Variants in JAM3 observed in about 807,000 individuals in gnomAD.
JAM3 encodes the protein junctional adhesion molecule C.
In JAM3, 31 loss-of-function variants were observed where a neutral mutation model predicts 39.4. The observed-to-expected ratio is 0.79, with a 90% CI of 0.59 to 1.06. The LOEUF (loss-of-function observed/expected upper bound fraction) is 1.06. JAM3 is among the 50% of genes least tolerant of loss of function. The pLI is 0.00. For missense variants in JAM3, 455 were observed against 391.4 expected, an observed-to-expected ratio of 1.16 and a Z score of -1.37; for synonymous variants, 182 against 148.7, an observed-to-expected ratio of 1.22 and a Z score of -1.63.
chr11:134,107,420 A>ATG (rs1323489468), intron 1 of JAM3, among the ~76,000 whole-genome samples: 1 of 152,192 alleles, frequency 6.6e-6, no homozygotes, highest in East Asian at 1.9e-4. Context: ...AACATGGCAC[A>ATG]TGTATACATG....
Position 134,149,543 on chromosome 11 carries a change from G to C in JAM3, c.*362G>C. 4.0e-6 allele frequency: 2 copies of C among 496,352 alleles called. No homozygotes were observed. The highest frequency in any genetic ancestry group is 3.9e-6 in the Non-Finnish European group (1 of 254,560). 30.7% of individuals were successfully genotyped at this position (496,352 alleles called of 1,614,324 possible). A position where few individuals can be genotyped will look rare whatever the true frequency, so the allele number is the denominator to read the frequency against. ...TGTGAAGCCAGCATGTTCACCACTG[G>C]TCGTTCAGCAGCCACGACAGCACCA... On this transcript the variant is annotated 3_prime_UTR_variant, in exon 9 of 9. Coordinates refer to ENST00000299106, the MANE Select transcript of JAM3 (RefSeq NM_032801.5).
chr11:134,078,977 TGTG>T (rs1457873357), intron 1 of JAM3, among the ~76,000 whole-genome samples: 1 of 152,094 alleles, frequency 6.6e-6, no homozygotes, highest in East Asian at 1.9e-4. Flanking sequence ...AGGTGGAGGT[TGTG>T]GTGAGCCAAG....
intron 1 of JAM3, among the ~76,000 whole-genome samples, chr11:134,104,978 AAG>A (rs998519678): frequency 6.6e-6 from 1 of 152,206 alleles, no homozygotes; most frequent in Non-Finnish European, 1.5e-5. Context: ...TCAATAGAAA[AAG>A]AGGGAATCCT....
chr11:134,136,645 G>C (rs1023185074), intron 1 of JAM3, among the ~76,000 whole-genome samples: 10 of 152,196 alleles, frequency 6.6e-5, no homozygotes, highest in African/African-American at 2.4e-4. Flanking sequence ...TACATGACTT[G>C]TAGTGGCCCT....
In JAM3 at chr11:134,151,155, G is replaced by C. The variant is rs984124050; in HGVS notation, c.*1974G>C. On this transcript the variant is annotated 3_prime_UTR_variant, in exon 9 of 9. Coordinates refer to ENST00000299106, the MANE Select transcript of JAM3 (RefSeq NM_032801.5). ...CTCTCACTACTCACCTTGTCTTTCA[G>C]CTTCCAGTGTCTTGGGTTTTTTATA... 1 of 152,268 alleles carries C rather than the reference G, an allele frequency of 6.6e-6. No individual in the cohort carries two copies. Among genetic ancestry groups the C allele is most frequent in the Non-Finnish European group, 1.5e-5 (1 of 68,074 alleles). The allele number at this position is 152,268 out of a possible 1,614,324, so 9.4% of individuals were successfully genotyped here. A position where few individuals can be genotyped will look rare whatever the true frequency, so the allele number is the denominator to read the frequency against.
chr11:134,140,585 A>G (rs1942955950), intron 2 of JAM3, 72 bp from the exon 3 acceptor site: 2 of 1,221,680 alleles, frequency 1.6e-6, no homozygotes, highest in Non-Finnish European at 2.4e-6. Flanking sequence ...TAGAGCTTGC[A>G]GGGTCTGGGT....
chr11:134,144,326 C>T lies in JAM3; in HGVS notation c.342C>T (p.Arg114=). 1.9e-6 allele frequency: 3 copies of T among 1,614,190 alleles called. No homozygotes were observed. Among genetic ancestry groups the T allele is most frequent in the Non-Finnish European group, 2.5e-6 (3 of 1,180,026 alleles). ...NVTRRDSALY[R]CEVVARNDRK... ...CACGGAGAGACTCAGCCCTTTATCG[C>T]TGTGAGGTCGTTGCTCGAAATGACC... The change falls in exon 4 of 9, where the codon CGC becomes CGT. Residue 114 remains arginine (R), a synonymous_variant. Coordinates refer to ENST00000299106, the MANE Select transcript of JAM3 (RefSeq NM_032801.5).
chr11:134,129,434 A>G (rs539000838), intron 1 of JAM3, among the ~76,000 whole-genome samples: 76 of 152,120 alleles, frequency 5.0e-4, no homozygotes, highest in African/African-American at 1.7e-3. Context: ...AGTTCTTATA[A>G]GGACACTAGT....
Position 134,149,172 on chromosome 11 carries a change from T to C in JAM3, c.924T>C (p.Phe308=), listed in dbSNP as rs1464456260. The C allele has an allele frequency of 6.2e-7, 1 of 1,613,930 alleles. No individual in the cohort carries two copies. The highest frequency in any genetic ancestry group is 1.3e-5 in the African/African-American group (1 of 74,940). ...EEGDFRHKSS[F]VI Reference sequence around the variant, plus strand: ...GCGACTTCAGACACAAGTCATCGTTTGTGATCTGAGACCCGCGGTGTGGCT... The same window carrying C: ...GCGACTTCAGACACAAGTCATCGTTCGTGATCTGAGACCCGCGGTGTGGCT... Residue 308 remains phenylalanine (F), a synonymous_variant, in exon 9 of 9, where the codon TTT becomes TTC. Transcript: ENST00000299106.
At chr11:134,077,369 T>C (rs1000252854) in intron 1 of JAM3, among the ~76,000 whole-genome samples, 2 of 151,850 alleles carry the variant, frequency 1.3e-5, no homozygotes, top group Non-Finnish European at 2.9e-5. Context: ...ATGCCTTTTT[T>C]TTTTTTTTCT....
At chr11:134,124,228 G>C in intron 1 of JAM3, 1 of 1,328,670 alleles carries the variant, frequency 7.5e-7, no homozygotes, top group Non-Finnish European at 1.1e-6. Flanking sequence ...TACTTCTTAA[G>C]TTCCTCTGGG....
At chr11:134,076,082 TG>T (rs1941564057) in intron 1 of JAM3, among the ~76,000 whole-genome samples, 1 of 151,844 alleles carries the variant, frequency 6.6e-6, no homozygotes, top group Non-Finnish European at 1.5e-5. Flanking sequence ...AAAATTTTCT[TG>T]GTTCTTTTTA....
intron 1 of JAM3, among the ~76,000 whole-genome samples, chr11:134,115,198 C>G (rs1381101812): frequency 6.6e-6 from 1 of 152,102 alleles, no homozygotes; most frequent in Non-Finnish European, 1.5e-5. Context: ...TATAGCCACT[C>G]CACTTTTCTT....
Position 134,139,923 on chromosome 11 carries a change from A to G in JAM3, c.142+7A>G, listed in dbSNP as rs759420173. ...GTGGTACAGGAATTTGAAAGTAAGT[A>G]CAAACGAAATGCCTAGGATAATGGG... is the stretch of plus-strand genomic sequence containing the variant. On this transcript the variant is annotated splice_region_variant and intron_variant, in intron 2 of 8. Transcript: ENST00000299106. 4 of 1,608,700 alleles carry G rather than the reference A, an allele frequency of 2.5e-6. No homozygotes were observed. The highest frequency in any genetic ancestry group is 2.2e-5 in the East Asian group (1 of 44,848).
At chr11:134,147,045 C>G (rs948419338) in intron 6 of JAM3, among the ~76,000 whole-genome samples, 1 of 152,174 alleles carries the variant, frequency 6.6e-6, no homozygotes, top group East Asian at 1.9e-4. Context: ...GGATTCTTCT[C>G]ATGTGTCACG....
At chr11:134,088,701 A>G (rs1412530906) in intron 1 of JAM3, among the ~76,000 whole-genome samples, 1 of 152,060 alleles carries the variant, frequency 6.6e-6, no homozygotes, top group Admixed American at 6.6e-5. Flanking sequence ...TGAATATGTC[A>G]TTGCCACAAA....
rs1565505381 is a variant in JAM3 at position 134,144,271 on chromosome 11, G to A, written c.287G>A (p.Gly96Glu). The part of the protein sequence containing the change: ...GDLAGRAEIL[G>E]KTSLKIWNVT... ...TTGGCGGGTCGTGCAGAAATACTGG[G>A]GAAGACATCCCTGAAGATCTGGAAT... Residue 96 changes from glycine to glutamate, a missense_variant, in exon 4 of 9, where the codon GGG becomes GAG. Physicochemically the swap from Gly to Glu is moderately conservative, Grantham distance 98. Coordinates refer to ENST00000299106, the MANE Select transcript of JAM3 (RefSeq NM_032801.5). The A allele has an allele frequency of 6.2e-7, 1 of 1,614,200 alleles. No homozygotes were observed. Among genetic ancestry groups the A allele is most frequent in the South Asian group, 1.1e-5 (1 of 91,088 alleles).
At chr11:134,113,053 G>C (rs1942348010) in intron 1 of JAM3, among the ~76,000 whole-genome samples, 2 of 152,152 alleles carry the variant, frequency 1.3e-5, no homozygotes, top group Non-Finnish European at 2.9e-5. Flanking sequence ...CCAAGGGCTA[G>C]CATCTCGGTC....
intron 1 of JAM3, among the ~76,000 whole-genome samples, chr11:134,121,938 A>C (rs1942541768): frequency 6.6e-6 from 1 of 152,088 alleles, no homozygotes; most frequent in South Asian, 2.1e-4. Flanking sequence ...AACACTGTCT[A>C]CCTTAGCTTA....
Sources: allele counts gnomAD v4.1 joint callset (sites outside exome capture counted in the v4.1 genomes callset), GRCh38; gene constraint gnomAD v4.1.1; transcripts MANE v1.5; gene names NCBI Gene and HGNC (gene_info 2026-07-23, HGNC 2026-07-21).